WDPCP: variants seen among roughly 807,000 people sequenced by gnomAD.
WDPCP encodes WD repeat-containing and planar cell polarity effector protein fritz homolog.
In WDPCP, 71 loss-of-function variants were observed where a neutral mutation model predicts 93.1. That is an observed-to-expected ratio of 0.76 (90% confidence interval 0.63 to 0.93). WDPCP has a LOEUF of 0.93. Ranked by LOEUF, WDPCP falls within the 40% of genes least tolerant of loss-of-function variation. The probability of loss-of-function intolerance (pLI) is 0.00; values close to 1 mark genes in which losing one functional copy is unlikely to be tolerated. For missense variants in WDPCP, 844 were observed against 887.4 expected (o/e 0.95, Z 0.62); for synonymous variants, 315 against 315.0 (o/e 1.00, Z 0.00).
At chr2:63,713,903 G>T (rs542488725) in intron 2 of WDPCP, among the ~76,000 whole-genome samples, 1 of 152,246 alleles carries the variant, frequency 6.6e-6, no homozygotes, top group South Asian at 2.1e-4. Context: ...TGGGCTTTGC[G>T]GCTAATTTGA....
intron 14 of WDPCP, among the ~76,000 whole-genome samples, chr2:63,214,279 C>T (rs890142100): frequency 1.3e-5 from 2 of 152,202 alleles, no homozygotes; most frequent in African/African-American, 4.8e-5. Flanking sequence ...CCACCATGAT[C>T]AAGTGGGCTT....
intron 2 of WDPCP, among the ~76,000 whole-genome samples, chr2:63,697,777 A>AG (rs1668980510): frequency 6.6e-6 from 1 of 151,202 alleles, no homozygotes; most frequent in Admixed American, 6.6e-5. Flanking sequence ...CCTCTGGAGT[A>AG]GCTGGGACTA....
At chr2:63,331,741 C>T (rs1009878449) in intron 12 of WDPCP, among the ~76,000 whole-genome samples, 67 of 152,164 alleles carry the variant, frequency 4.4e-4, no homozygotes, top group African/African-American at 1.6e-3. Flanking sequence ...TATACTTTTG[C>T]TTTTTTTCCT....
intron 2 of WDPCP, chr2:63,717,324 G>C (rs1397020109): frequency 1.4e-5 from 7 of 515,564 alleles, no homozygotes; most frequent in Admixed American, 1.1e-4. Flanking sequence ...CTGTGAACAT[G>C]AAAAATGATG....
chr2:63,523,435 C>T (rs942988576), intron 1 of WDPCP, among the ~76,000 whole-genome samples: 3 of 152,138 alleles, frequency 2.0e-5, no homozygotes, highest in African/African-American at 7.2e-5. Flanking sequence ...TTAAACATAG[C>T]AATGGAAGTC....
At chr2:63,537,014 C>T (rs1414637032) in intron 1 of WDPCP, among the ~76,000 whole-genome samples, 5 of 152,056 alleles carry the variant, frequency 3.3e-5, no homozygotes, top group Admixed American at 2.0e-4. Context: ...GTGATCCACC[C>T]GCCTCAGCCT....
At chr2:63,805,640 G>A (rs1163989212) in intron 2 of WDPCP, among the ~76,000 whole-genome samples, 2 of 152,206 alleles carry the variant, frequency 1.3e-5, no homozygotes, top group East Asian at 3.8e-4. Context: ...CATGAAAACA[G>A]AAGAGTAGGG....
intron 9 of WDPCP, among the ~76,000 whole-genome samples, chr2:63,432,881 A>C (rs912841164): frequency 5.9e-5 from 9 of 152,228 alleles, no homozygotes; most frequent in African/African-American, 1.9e-4. Flanking sequence ...ACACAGAATT[A>C]GCTAGAAGCA....
rs563092999 is a variant in WDPCP, at chr2:63,630,615, A to G, written n.488+20044T>C. On this transcript the variant is annotated intron_variant and non_coding_transcript_variant, in intron 3 of 4. Coordinates refer to the WDPCP transcript ENST00000467687. ...GTATGCACCAAACAACAGAGATGCA[A>G]AATATGTGAAGCAAAAACTGATAGG... Among the ~76,000 whole-genome samples the G allele has an allele frequency of 2.0e-5, 3 of 152,332 alleles. No homozygotes were observed. The East Asian group carries it at 5.8e-4, about 29-fold the overall frequency.
upstream of WDPCP, among the ~76,000 whole-genome samples, chr2:63,829,803 T>C (rs1344913833): frequency 1.3e-5 from 2 of 152,106 alleles, no homozygotes; most frequent in African/African-American, 4.8e-5. Flanking sequence ...TTGTCTTTTA[T>C]TTTGAAAATT....
At chr2:63,702,704 A>C (rs1669078342) in intron 2 of WDPCP, among the ~76,000 whole-genome samples, 1 of 139,426 alleles carries the variant, frequency 7.2e-6, no homozygotes, top group Non-Finnish European at 1.6e-5. Context: ...CATCCAGCTA[A>C]TTTTTTTTTT....
intron 2 of WDPCP, among the ~76,000 whole-genome samples, chr2:63,729,433 G>A (rs1431754363): frequency 3.3e-5 from 5 of 152,156 alleles, no homozygotes; most frequent in Non-Finnish European, 7.3e-5. Context: ...GGTGGTGGGG[G>A]TTGCAGATTC....
At chr2:63,699,557 T>A (rs1334942867) in intron 2 of WDPCP, among the ~76,000 whole-genome samples, 1 of 152,112 alleles carries the variant, frequency 6.6e-6, no homozygotes, top group Non-Finnish European at 1.5e-5. Context: ...TTATTAAAGA[T>A]GAGCTGATTT....
chr2:63,426,715 A>G (rs1038041161), intron 9 of WDPCP, among the ~76,000 whole-genome samples: 14 of 152,240 alleles, frequency 9.2e-5, no homozygotes, highest in African/African-American at 3.4e-4. Context: ...ACATATCAGT[A>G]TTAACTTTGA....
At chr2:63,455,609 G>A (rs76427628) in intron 6 of WDPCP, among the ~76,000 whole-genome samples, 120 of 152,070 alleles carry the variant, frequency 7.9e-4, no homozygotes, top group African/African-American at 2.7e-3. Flanking sequence ...ATGATAAAGG[G>A]ATCAATCGAG....
At chr2:63,814,646 A>G (rs933666634) in intron 1 of WDPCP, among the ~76,000 whole-genome samples, 1 of 152,236 alleles carries the variant, frequency 6.6e-6, no homozygotes, top group Non-Finnish European at 1.5e-5. Context: ...CCTGGCTAAT[A>G]ATATTATCTG....
chr2:63,439,630 CTATTACAAGCAATTACTTG>C, intron 7 of WDPCP, 108 bp downstream of exon 7: 1 of 770,398 alleles, frequency 1.3e-6, no homozygotes, highest in Non-Finnish European at 2.2e-6. Flanking sequence ...TGTAAGTACG[CTATTACAAGCAATTACTTG>C]TTGTGTTTGC....
At position 63,536,604 on chromosome 2, in the gene WDPCP, G is replaced by C. The variant is rs530014276; in HGVS notation, c.76-43664C>G. On this transcript the variant is annotated intron_variant, in intron 1 of 17. Transcript: ENST00000272321. ...AAACCATCATTCTGAGCAAACTATC[G>C]CAAGGACAGAAAATTAAATATAAAA... Among the ~76,000 whole-genome samples the C allele has an allele frequency of 2.0e-5, 3 of 151,870 alleles. No individual in the cohort carries two copies. The East Asian group carries it at 5.8e-4, about 29-fold the overall frequency.
At chr2:63,766,140 C>T (rs1253470332) in intron 2 of WDPCP, among the ~76,000 whole-genome samples, 3 of 152,188 alleles carry the variant, frequency 2.0e-5, no homozygotes, top group Non-Finnish European at 4.4e-5. Context: ...GGCAGTTCTG[C>T]TAAAGCAGTT....
Sources: gnomAD v4.1 joint callset for allele counts (sites outside exome capture counted in the v4.1 genomes callset) on GRCh38, gnomAD v4.1.1 for gene constraint, MANE v1.5 for transcripts, NCBI Gene and HGNC (gene_info 2026-07-23, HGNC 2026-07-21) for gene names.